The following PTPRD variants were observed in gnomAD, a reference collection of about 807,000 sequenced individuals.
PTPRD encodes protein tyrosine phosphatase receptor type D, also known as receptor-type tyrosine-protein phosphatase delta.
In PTPRD, 34 loss-of-function variants were observed where a neutral mutation model predicts 214.5. That is an observed-to-expected ratio of 0.16 (90% CI 0.12 to 0.21). The LOEUF is 0.21. Among genes scored for constraint, PTPRD ranks in the 10% least tolerant of loss-of-function variants. The pLI is 1.00. For missense variants in PTPRD, 2,545 were observed against 2,398.7 expected (o/e 1.06, Z -1.27); for synonymous variants, 1,128 against 845.7 (o/e 1.33, Z -5.79).
At chr9:8,577,222 T>C (rs1205316206) in intron 14 of PTPRD, among the ~76,000 whole-genome samples, 3 of 140,678 alleles carry the variant, frequency 2.1e-5, no homozygotes, top group African/African-American at 5.2e-5. Context: ...GAACTTGAAC[T>C]CTTTTATTTT....
chr9:9,069,021 G>C (rs1034059323), intron 10 of PTPRD, among the ~76,000 whole-genome samples: 9 of 151,980 alleles, frequency 5.9e-5, no homozygotes, highest in Non-Finnish European at 1.3e-4. Flanking sequence ...TATATACAAA[G>C]GAAAATAAAA....
intron 10 of PTPRD, among the ~76,000 whole-genome samples, chr9:9,039,189 C>G (rs1270170094): frequency 1.3e-5 from 2 of 152,098 alleles, no homozygotes; most frequent in African/African-American, 4.8e-5. Flanking sequence ...AAGGCCAAAC[C>G]TGGAATATAA....
intron 9 of PTPRD, among the ~76,000 whole-genome samples, chr9:9,284,866 T>C (rs1380923519): frequency 1.3e-5 from 2 of 151,806 alleles, no homozygotes; most frequent in Non-Finnish European, 2.9e-5. Flanking sequence ...TCAAAGGACT[T>C]TTGGAAAATA....
At chr9:10,329,353 A>T (rs2096707199) in intron 3 of PTPRD, among the ~76,000 whole-genome samples, 1 of 151,872 alleles carries the variant, frequency 6.6e-6, no homozygotes, top group Admixed American at 6.6e-5. Flanking sequence ...GAATTAAAAT[A>T]TATTTTTTAA....
chr9:9,074,709 G>T (rs1036516956), intron 10 of PTPRD, among the ~76,000 whole-genome samples: 1 of 151,644 alleles, frequency 6.6e-6, no homozygotes, highest in Admixed American at 6.6e-5. Context: ...TAAATCAGAT[G>T]ATTACTTTTT....
At chr9:8,850,745 T>C (rs1310528721) in intron 11 of PTPRD, among the ~76,000 whole-genome samples, 2 of 152,222 alleles carry the variant, frequency 1.3e-5, no homozygotes, top group Non-Finnish European at 2.9e-5. Context: ...TTGGTTTTTC[T>C]CTCAAAATTC....
chr9:8,991,627 G>A (rs925189380), intron 11 of PTPRD, among the ~76,000 whole-genome samples: 13 of 152,050 alleles, frequency 8.5e-5, no homozygotes, highest in Admixed American at 3.9e-4. Flanking sequence ...AATGGATCAG[G>A]AAAACTATTT....
intron 3 of PTPRD, among the ~76,000 whole-genome samples, chr9:10,236,149 C>T (rs904452298): frequency 2.6e-5 from 4 of 151,864 alleles, no homozygotes; most frequent in South Asian, 2.1e-4. Context: ...TCTGACTGTC[C>T]GAGACACAGA....
chr9:9,300,467 C>G (rs1197262115), intron 9 of PTPRD, among the ~76,000 whole-genome samples: 2 of 151,756 alleles, frequency 1.3e-5, no homozygotes, highest in Admixed American at 6.6e-5. Context: ...CATAAGCTTT[C>G]CCTGACAGCA....
chr9:8,414,992 G>C (rs957687572), intron 35 of PTPRD, among the ~76,000 whole-genome samples: 1 of 147,930 alleles, frequency 6.8e-6, no homozygotes, highest in African/African-American at 2.5e-5. Flanking sequence ...ACAGGGGGCA[G>C]TCTCTGCTAA....
At chr9:10,420,032 T>C (rs1048341415) in intron 2 of PTPRD, among the ~76,000 whole-genome samples, 6 of 151,802 alleles carry the variant, frequency 4.0e-5, no homozygotes, top group African/African-American at 1.4e-4. Context: ...TCGATGTCTT[T>C]ATACTGTTTA....
intron 11 of PTPRD, among the ~76,000 whole-genome samples, chr9:8,936,427 C>CAA (rs1181403459): frequency 0.029 from 877 of 30,606 alleles, 11 homozygotes; most frequent in South Asian, 0.15. Context: ...ACCCTGCCTC[C>CAA]AAAAAAAAAA....
chr9:9,896,035 C>T (rs892549033), intron 5 of PTPRD, among the ~76,000 whole-genome samples: 5 of 151,980 alleles, frequency 3.3e-5, no homozygotes, highest in African/African-American at 4.8e-5. Context: ...GAGATGACTA[C>T]AAAGCTTAGG....
chr9:10,159,774 T>C (rs936006584), intron 3 of PTPRD, among the ~76,000 whole-genome samples: 3 of 151,832 alleles, frequency 2.0e-5, no homozygotes, highest in Non-Finnish European at 2.9e-5. Context: ...AAATAATTAC[T>C]GAGCTCGAAG....
At chr9:10,412,644 A>G (rs2098448582) in intron 2 of PTPRD, among the ~76,000 whole-genome samples, 1 of 145,260 alleles carries the variant, frequency 6.9e-6, no homozygotes, top group Non-Finnish European at 1.5e-5. Context: ...ACACACACAC[A>G]CACACACACA....
intron 3 of PTPRD, among the ~76,000 whole-genome samples, chr9:10,190,420 A>C (rs10958940): frequency 1.7e-3 from 112 of 64,170 alleles, no homozygotes; most frequent in African/African-American, 0.01. Context: ...AAAAAAAAAA[A>C]CAAAAAGTCA....
intron 8 of PTPRD, among the ~76,000 whole-genome samples, chr9:9,466,642 G>A (rs1019877655): frequency 6.6e-6 from 1 of 152,064 alleles, no homozygotes; most frequent in Non-Finnish European, 1.5e-5. Context: ...GTAAGACTTA[G>A]GGATATTCTG....
intron 12 of PTPRD, among the ~76,000 whole-genome samples, chr9:8,688,844 T>A (rs1422562659): frequency 6.6e-6 from 1 of 152,192 alleles, no homozygotes; most frequent in African/African-American, 2.4e-5. Context: ...GAAAAACGAA[T>A]GGTTTTATCC....
intron 11 of PTPRD, among the ~76,000 whole-genome samples, chr9:8,872,324 T>A (rs1411900335): frequency 1.3e-5 from 2 of 152,192 alleles, no homozygotes; most frequent in Non-Finnish European, 2.9e-5. Context: ...CTGTGTGTGA[T>A]ATGATCTCCC....
Sources: gnomAD v4.1 joint callset for allele counts (sites outside exome capture counted in the v4.1 genomes callset) on GRCh38, gnomAD v4.1.1 for gene constraint, MANE v1.5 for transcripts, NCBI Gene and HGNC (gene_info 2026-07-23, HGNC 2026-07-21) for gene names.